The following PIK3C2B variants were observed in gnomAD, a reference collection of about 807,000 sequenced individuals.
The protein encoded by PIK3C2B is phosphatidylinositol 4-phosphate 3-kinase C2 domain-containing subunit beta.
A neutral mutation model predicts 184.3 loss-of-function variants in PIK3C2B; 83 were observed. That is an observed-to-expected ratio of 0.45 (90% CI 0.38 to 0.54). The LOEUF (loss-of-function observed/expected upper bound fraction) is 0.54. PIK3C2B is among the 20% of genes least tolerant of loss of function. The pLI, the probability that PIK3C2B is intolerant of heterozygous loss-of-function variation, is 0.00. For synonymous variants in PIK3C2B, 779 were observed against 837.6 expected (o/e 0.93, Z 1.21); for missense variants, 1,736 against 2,113.5 (o/e 0.82, Z 3.50).
intron 16 of PIK3C2B, among the ~76,000 whole-genome samples, chr1:204,444,788 T>C (rs965527569): frequency 2.0e-5 from 3 of 152,250 alleles, no homozygotes; most frequent in Non-Finnish European, 4.4e-5. Flanking sequence ...GGTAAAAGCA[T>C]TATTTTGTCT....
intron 12 of PIK3C2B, among the ~76,000 whole-genome samples, chr1:204,450,544 G>T (rs1466740654): frequency 6.6e-6 from 1 of 151,728 alleles, no homozygotes; most frequent in African/African-American, 2.4e-5. Flanking sequence ...GTCCTCATAG[G>T]AGTCCCCTTC....
chr1:204,440,787 A>T (rs1029903501), intron 21 of PIK3C2B, among the ~76,000 whole-genome samples: 8 of 110,462 alleles, frequency 7.2e-5, no homozygotes, highest in Non-Finnish European at 1.0e-4. Context: ...ATATATATAT[A>T]TTTTTAGTAG....
intron 1 of PIK3C2B, among the ~76,000 whole-genome samples, chr1:204,479,927 C>A (rs1656997331): frequency 6.6e-6 from 1 of 152,240 alleles, no homozygotes; most frequent in African/African-American, 2.4e-5. Context: ...AACATAACAA[C>A]AAGGCTCTGC....
chr1:204,445,918 A>G (rs761081392), intron 16 of PIK3C2B, 38 bp downstream of exon 16: 29 of 1,415,822 alleles, frequency 2.0e-5, no homozygotes, highest in Non-Finnish European at 2.6e-5. Context: ...GGCTTCTACA[A>G]GAACACATAG....
intron 28 of PIK3C2B, 96 bp downstream of exon 28, chr1:204,431,573 G>C: frequency 6.9e-7 from 1 of 1,452,210 alleles, no homozygotes; most frequent in Non-Finnish European, 9.6e-7. Flanking sequence ...AGTCCAAAAG[G>C]GTATTTTCTG....
rs140390757 is a variant in PIK3C2B at position 204,444,130 on chromosome 1, C to T, written c.2805G>A (p.Pro935=). 1,444 of 1,613,628 alleles carry T rather than the reference C, an allele frequency of 8.9e-4. No homozygotes were observed. The highest frequency in any genetic ancestry group is 1.2e-3 in the Non-Finnish European group (1,410 of 1,179,630). The stretch of plus-strand genomic sequence containing the variant: ...CTCGTTTCAGGAGGAAGCGCACCAA[C>T]GGGCTGTCCAGGTAGCATTCATACT... ...ALKYECYLDS[P]LVRFLLKRAV... Residue 935 remains proline (P), a synonymous_variant, in exon 18 of 33, where the codon CCG becomes CCA. Coordinates refer to ENST00000684373, the MANE Select transcript of PIK3C2B (RefSeq NM_001377334.1).
intron 8 of PIK3C2B, 138 bp from the exon 9 acceptor site, chr1:204,458,012 A>G: frequency 1.4e-6 from 1 of 696,638 alleles, no homozygotes. Flanking sequence ...AATGTGCAAT[A>G]CATTTTATTT....
chr1:204,442,148 GA>G (rs1675700065), intron 20 of PIK3C2B, among the ~76,000 whole-genome samples: 1 of 152,182 alleles, frequency 6.6e-6, no homozygotes, highest in African/African-American at 2.4e-5. Flanking sequence ...GGAATGGGAA[GA>G]GGCCACAGAT....
Position 204,457,880 on chromosome 1 carries a change from G to A in PIK3C2B, c.1567-6C>T. On this transcript the variant is annotated splice_region_variant and splice_polypyrimidine_tract_variant and intron_variant, in intron 8 of 32. Coordinates refer to ENST00000684373, the MANE Select transcript of PIK3C2B (RefSeq NM_001377334.1). Reference sequence around the variant, plus strand: ...GCCTTCAGTGGGAAGTCTCCCTGTGGGAGGTGGCACAGTGAGGCTGGCAGG... The same window carrying A: ...GCCTTCAGTGGGAAGTCTCCCTGTGAGAGGTGGCACAGTGAGGCTGGCAGG... 1 of 1,611,612 alleles carries A rather than the reference G, an allele frequency of 6.2e-7. No individual in the cohort carries two copies. The highest frequency in any genetic ancestry group is 1.1e-5 in the South Asian group (1 of 90,682).
chr1:204,426,783 C>A (rs1389026729), intron 31 of PIK3C2B, among the ~76,000 whole-genome samples: 1 of 152,062 alleles, frequency 6.6e-6, no homozygotes, highest in Non-Finnish European at 1.5e-5. Context: ...CTGCCATATC[C>A]CACTGCCCCA....
At position 204,443,074 on chromosome 1, in the gene PIK3C2B, C is replaced by T. The variant is rs1172479460; in HGVS notation, c.3048+343G>A. Among the ~76,000 whole-genome samples, 4 of 152,334 alleles carry T rather than the reference C, an allele frequency of 2.6e-5. No individual in the cohort carries two copies. In the South Asian group the frequency reaches 6.2e-4, roughly 24 times the overall value. ...CTCTCTGGGTGGCATCAGGCCTGAG[C>T]CATGGGTCACAGCATGGTGAACAAA... On this transcript the variant is annotated intron_variant, in intron 19 of 32. Coordinates refer to ENST00000684373, the MANE Select transcript of PIK3C2B (RefSeq NM_001377334.1).
chr1:204,450,217 A>C, intron 12 of PIK3C2B, 200 bp from the exon 13 acceptor site: 1 of 547,434 alleles, frequency 1.8e-6, no homozygotes. Context: ...ATGTTCCCAG[A>C]AGCACAATGT....
chr1:204,474,823 ATCT>A (rs1656592065), intron 1 of PIK3C2B, among the ~76,000 whole-genome samples: 1 of 151,986 alleles, frequency 6.6e-6, no homozygotes. Context: ...CTCAACTATC[ATCT>A]TCTTTCCTCC....
Position 204,459,906 on chromosome 1 carries a change from T to C in PIK3C2B, c.1538A>G (p.Asn513Ser). 4 of 1,613,822 alleles carry C rather than the reference T, an allele frequency of 2.5e-6. No individual in the cohort carries two copies. The highest frequency in any genetic ancestry group is 1.1e-5 in the South Asian group (1 of 91,040). Residue 513 changes from asparagine to serine, a missense_variant, in exon 8 of 33, where the codon AAT (asparagine) becomes AGT (serine). This residue lies in a region of PIK3C2B where 609 missense variants were observed against 699.2 expected (regional missense o/e 0.87). Coordinates refer to ENST00000684373, the MANE Select transcript of PIK3C2B (RefSeq NM_001377334.1). The stretch of plus-strand genomic sequence containing the variant: ...AGCCAGCAGGAAGGCATCCACCTCA[T>C]TGTGGTAAGTGTCGAACAGAAGACT... ...ALSLLFDTYH[N>S]EVDAFLLADG...
rs552718990 is a variant in PIK3C2B, at chr1:204,469,506, C to A, written c.297G>T (p.Gln99His). 3.1e-6 allele frequency: 5 copies of A among 1,608,206 alleles called. No individual in the cohort carries two copies. Among genetic ancestry groups the A allele is most frequent in the Non-Finnish European group, 4.2e-6 (5 of 1,177,010 alleles). Residue 99 changes from glutamine to histidine, a missense_variant, in exon 2 of 33, where the codon CAG (glutamine) becomes CAT (histidine). This residue lies in a region of PIK3C2B where 404 missense variants were observed against 418.0 expected (regional missense o/e 0.97). Transcript: ENST00000684373. ...AGGTAGAGTGGTTGGGCGGCCCTTC[C>A]TGTGGGGAGAGTGAGTTGTAGTTAA... ...PTLNYNSLSPQEGPPNHSTSQ... is the reference protein window; with the variant it reads ...PTLNYNSLSPHEGPPNHSTSQ...
chr1:204,454,721 G>A lies in PIK3C2B; in HGVS notation c.2014C>T (p.Arg672Ter). 5.0e-6 allele frequency: 8 copies of A among 1,613,526 alleles called. No homozygotes were observed. The highest frequency in any genetic ancestry group is 3.3e-5 in the Admixed American group (2 of 60,020). ...GKELCSPLQT[R>*]RAHFSKYLFH... ...AGGTACTTGGAGAAGTGAGCTCTTC[G>A]GGTCTGCAGGGGGCTGCACAGCTCC... The change falls in exon 12 of 33, where the codon CGA becomes TGA. Residue 672 changes from arginine to a stop codon, truncating the protein, a stop_gained. Transcript: ENST00000684373. LOFTEE classifies it high-confidence loss of function.
rs1247317715 is a variant in PIK3C2B, at chr1:204,468,912, C to T, written c.891G>A (p.Lys297=). ...GGCGGTTCTTGCCAGGCGTCGCATT[C>T]TTTCGGTTGCCATAGCGGGAGGCAT... The part of the protein sequence containing the change: ...RTYASRYGNR[K]NATPGKNRRI... The change falls in exon 2 of 33, where the codon AAG becomes AAA. Residue 297 remains lysine (K), a synonymous_variant. Transcript: ENST00000684373. 1.2e-5 allele frequency: 20 copies of T among 1,603,848 alleles called. No homozygotes were observed. In the African/African-American group the frequency reaches 1.6e-4, roughly 13 times the overall value.
In PIK3C2B at chr1:204,423,478, G is replaced by A. The variant is rs904533994; in HGVS notation, c.*1374C>T. 5 of 152,006 alleles carry A rather than the reference G, an allele frequency of 3.3e-5. No individual in the cohort carries two copies. Among genetic ancestry groups the A allele is most frequent in the Non-Finnish European group, 5.9e-5 (4 of 68,096 alleles). 9.4% of individuals were successfully genotyped at this position (152,006 alleles called of 1,614,324 possible). ...AAAAAAAAAAAATCCATCTGGTAGG[G>A]AATAAAGAATATGAAGAGATAAGGG... On this transcript the variant is annotated 3_prime_UTR_variant, in exon 33 of 33. Coordinates refer to ENST00000684373, the MANE Select transcript of PIK3C2B (RefSeq NM_001377334.1).
chr1:204,459,952 G>A lies in PIK3C2B; in HGVS notation c.1503-11C>T. ...AGACTCAGGGCCTGCCTGGGAGTTG[G>A]GGGCAGGGAAAAACCACAGGAGAGG... On this transcript the variant is annotated splice_polypyrimidine_tract_variant and intron_variant, in intron 7 of 32. Transcript: ENST00000684373. The A allele has an allele frequency of 6.2e-7, 1 of 1,613,126 alleles. No individual in the cohort carries two copies. The highest frequency in any genetic ancestry group is 8.5e-7 in the Non-Finnish European group (1 of 1,179,480).
Sources: gnomAD v4.1 joint callset for allele counts (sites outside exome capture counted in the v4.1 genomes callset) on GRCh38, gnomAD v4.1.1 for gene constraint, gnomAD v4.1.1 regional missense constraint, MANE v1.5 for transcripts, NCBI Gene and HGNC (gene_info 2026-07-23, HGNC 2026-07-21) for gene names.